GPR4: variants seen among roughly 807,000 people sequenced by gnomAD.
GPR4 encodes the protein G-prodeshotein coupled receptor 4.
GPR4 carries 11 observed loss-of-function variants against 17.8 expected under a neutral mutation model. The ratio of observed to expected loss-of-function variants is 0.62; its 90% confidence interval spans 0.39 to 1.02. The LOEUF is 1.02. Ranked by LOEUF, GPR4 falls within the 50% of genes least tolerant of loss-of-function variation. The pLI, the probability that GPR4 is intolerant of heterozygous loss-of-function variation, is 0.00. For missense variants in GPR4, 364 were observed against 495.4 expected (o/e 0.73, Z 2.52); for synonymous variants, 219 against 222.8 (o/e 0.98, Z 0.15).
At chr19:45,594,055 AAAAAAAAAATATATATATATATATATAT>A (rs1274570254) in intron 1 of GPR4, among the ~76,000 whole-genome samples, 1 of 35,468 alleles carries the variant, frequency 2.8e-5, no homozygotes, top group African/African-American at 2.6e-4. Flanking sequence ...TTAAAAAAAA[AAAAAAAAAATATATATATATATATATAT>A]ATATATATAT....
chr19:45,590,653 T>TA lies in GPR4; in HGVS notation c.*124dup. The TA allele has an allele frequency of 8.0e-7, 1 of 1,253,498 alleles. No homozygotes were observed. The highest frequency in any genetic ancestry group is 1.1e-6 in the Non-Finnish European group (1 of 917,298). 77.6% of individuals were successfully genotyped at this position (1,253,498 alleles called of 1,614,324 possible). On this transcript the variant is annotated 3_prime_UTR_variant, in exon 2 of 2. Coordinates refer to ENST00000323040, the MANE Select transcript of GPR4 (RefSeq NM_005282.3). ...AGTGACACACCAACCTCACTCTTCC[T>TA]AAGTTCTTGTATTCTTATGAATATT...
intron 1 of GPR4, among the ~76,000 whole-genome samples, chr19:45,599,412 C>G (rs1211143611): frequency 6.6e-6 from 1 of 151,590 alleles, no homozygotes; most frequent in Non-Finnish European, 1.5e-5. Context: ...CCTCTGTGGG[C>G]TCCTGCTCCC....
At position 45,592,113 on chromosome 19, in the gene GPR4, A is replaced by G; in HGVS notation, c.-247T>C. 1 of 461,436 alleles carries G rather than the reference A, an allele frequency of 2.2e-6. No homozygotes were observed. The highest frequency in any genetic ancestry group is 4.0e-6 in the Non-Finnish European group (1 of 251,380). The allele number at this position is 461,436 out of a possible 1,614,324, so 28.6% of individuals were successfully genotyped here. A position where few individuals can be genotyped will look rare whatever the true frequency, so the allele number is the denominator to read the frequency against. On this transcript the variant is annotated 5_prime_UTR_variant, in exon 2 of 2. Coordinates refer to ENST00000323040, the MANE Select transcript of GPR4 (RefSeq NM_005282.3). Reference sequence around the variant, plus strand: ...GGAGGGAAGTCTGGAGGATGGTGAGATTAATAAAGAGGTTTTTCAAGGAGG... The same window carrying G: ...GGAGGGAAGTCTGGAGGATGGTGAGGTTAATAAAGAGGTTTTTCAAGGAGG...
Position 45,591,816 on chromosome 19 carries a change from G to A in GPR4, c.51C>T (p.His17=), listed in dbSNP as rs1969999971. 1 of 1,603,470 alleles carries A rather than the reference G, an allele frequency of 6.2e-7. No individual in the cohort carries two copies. Among genetic ancestry groups the A allele is most frequent in the Non-Finnish European group, 8.5e-7 (1 of 1,173,194 alleles). Residue 17 remains histidine, a synonymous_variant, in exon 2 of 2, where the codon CAC becomes CAT. Transcript: ENST00000323040. This position sits in a 1 kb window ranked among gnomAD's most constrained non-coding sequence, Gnocchi z 7.6. ...AGATGTAGAGGGATGGCGGAAAGAGGTGGTCCACGCGCGAGTCCACGTGGC... is the reference window on the plus strand; with the variant it reads ...AGATGTAGAGGGATGGCGGAAAGAGATGGTCCACGCGCGAGTCCACGTGGC... ...EGCHVDSRVD[H]LFPPSLYIFV...
In GPR4 at chr19:45,591,398, C is replaced by T. The variant is rs1390698843; in HGVS notation, c.469G>A (p.Glu157Lys). ...GANSAPLFHD[E>K]LFRDRYNHTF... ...TGGTTGTAGCGGTCTCGGAAGAGCTCGTCATGGAACAGGGGCGCCGAGTTG... is the reference window on the plus strand; with the variant it reads ...TGGTTGTAGCGGTCTCGGAAGAGCTTGTCATGGAACAGGGGCGCCGAGTTG... Residue 157 changes from glutamate (E) to lysine (K), a missense_variant, in exon 2 of 2, where the codon GAG (glutamate) becomes AAG (lysine). By Grantham distance (56) the Glu-to-Lys change is moderately conservative (BLOSUM62 1). Coordinates refer to ENST00000323040, the MANE Select transcript of GPR4 (RefSeq NM_005282.3). The surrounding 1 kb of genome is among the most constrained non-coding windows in gnomAD (Gnocchi z 7.6). The T allele has an allele frequency of 5.0e-6, 8 of 1,613,212 alleles. No individual in the cohort carries two copies. The highest frequency in any genetic ancestry group is 1.1e-5 in the South Asian group (1 of 91,036).
At chr19:45,599,090 G>A (rs934463691) in intron 1 of GPR4, among the ~76,000 whole-genome samples, 3 of 152,116 alleles carry the variant, frequency 2.0e-5, no homozygotes, top group African/African-American at 4.8e-5. Context: ...CCCCCTGTCT[G>A]TCCCACAGGC....
Position 45,590,621 on chromosome 19 carries a change from G to T in GPR4, c.*157C>A. ...TGTGATGGGATCTGGGAGCACAAAGGTTGACCAGTGACACACCAACCTCAC... is the reference window on the plus strand; with the variant it reads ...TGTGATGGGATCTGGGAGCACAAAGTTTGACCAGTGACACACCAACCTCAC... On this transcript the variant is annotated 3_prime_UTR_variant, in exon 2 of 2. Transcript: ENST00000323040. 1.1e-6 allele frequency: 1 copy of T among 911,918 alleles called. No homozygotes were observed. Among genetic ancestry groups the T allele is most frequent in the South Asian group, 2.0e-5 (1 of 49,884 alleles). 56.5% of individuals were successfully genotyped at this position (911,918 alleles called of 1,614,324 possible).
intron 1 of GPR4, among the ~76,000 whole-genome samples, chr19:45,593,819 T>C (rs990494239): frequency 6.6e-6 from 1 of 151,864 alleles, no homozygotes; most frequent in Non-Finnish European, 1.5e-5. Flanking sequence ...ACAGCAAACG[T>C]TAATTGAGCC....
intron 1 of GPR4, among the ~76,000 whole-genome samples, chr19:45,598,111 C>T (rs535973942): frequency 1.3e-5 from 2 of 152,238 alleles, no homozygotes; most frequent in African/African-American, 4.8e-5. Context: ...CCCCTAGTCT[C>T]TCCCTTCCTC....
At chr19:45,597,483 G>T (rs1367570095) in intron 1 of GPR4, among the ~76,000 whole-genome samples, 2 of 152,044 alleles carry the variant, frequency 1.3e-5, no homozygotes, top group Non-Finnish European at 2.9e-5. Context: ...TGTTTTGTTT[G>T]TGTCTGTCTG....
chr19:45,591,866 TGGTG>T lies in GPR4; in HGVS notation c.-4_-1del, dbSNP rs1284498932. ...CAGCCCTCCCACGTGTGGTTGCCCA[TGGTG>T]GGCACTTCGGCTTCTGGGGCGCTTC... On this transcript the variant is annotated 5_prime_UTR_variant, in exon 2 of 2. Transcript: ENST00000323040. The surrounding 1 kb of genome is among the most constrained non-coding windows in gnomAD (Gnocchi z 7.6). The T allele has an allele frequency of 6.5e-7, 1 of 1,549,114 alleles. No individual in the cohort carries two copies. Among genetic ancestry groups the T allele is most frequent in the Admixed American group, 1.9e-5 (1 of 52,740 alleles).
chr19:45,592,995 C>G (rs1465406741), intron 1 of GPR4, among the ~76,000 whole-genome samples: 1 of 151,532 alleles, frequency 6.6e-6, no homozygotes, highest in African/African-American at 2.4e-5. Flanking sequence ...AGTTCAAGAC[C>G]AGCCTGGGCA....
chr19:45,597,735 A>T (rs1232606266), intron 1 of GPR4, among the ~76,000 whole-genome samples: 1 of 152,028 alleles, frequency 6.6e-6, no homozygotes, highest in Admixed American at 6.5e-5. Flanking sequence ...CCAGGCTCAA[A>T]CAAGGGCATG....
chr19:45,600,477 C>T (rs1237316662), intron 1 of GPR4, among the ~76,000 whole-genome samples: 1 of 152,122 alleles, frequency 6.6e-6, no homozygotes, highest in Non-Finnish European at 1.5e-5. Flanking sequence ...AATATTTTCT[C>T]TCCTCTGCTT....
intron 1 of GPR4, among the ~76,000 whole-genome samples, chr19:45,594,063 A>ATATATATATATATT (rs1555738313): frequency 1.4e-4 from 5 of 36,242 alleles, no homozygotes; most frequent in African/African-American, 7.7e-4. Flanking sequence ...AAAAAAAAAA[A>ATATATATATATATT]ATATATATAT....
intron 1 of GPR4, among the ~76,000 whole-genome samples, chr19:45,596,900 G>A (rs955203965): frequency 7.9e-5 from 12 of 151,988 alleles, no homozygotes; most frequent in African/African-American, 1.2e-4. Flanking sequence ...ATGGACTTGC[G>A]GTAAAATCCA....
intron 1 of GPR4, among the ~76,000 whole-genome samples, chr19:45,597,017 CCTT>C (rs1291310301): frequency 6.6e-6 from 1 of 152,192 alleles, no homozygotes; most frequent in Non-Finnish European, 1.5e-5. Context: ...CAGTGAGTGA[CCTT>C]CTTTCCAGCC....
chr19:45,590,476 G>T lies in GPR4; in HGVS notation c.*302C>A, dbSNP rs925196492. The T allele has an allele frequency of 1.3e-5, 4 of 306,060 alleles. No homozygotes were observed. Among genetic ancestry groups the T allele is most frequent in the Non-Finnish European group, 2.4e-5 (4 of 166,246 alleles). 19.0% of individuals were successfully genotyped at this position (306,060 alleles called of 1,614,324 possible). The stretch of plus-strand genomic sequence containing the variant: ...TCGCTGGAGAGCCCAGGAGGTGGAG[G>T]CTGCAGTGAGCCACGACTGCACTAC... On this transcript the variant is annotated 3_prime_UTR_variant, in exon 2 of 2. Transcript: ENST00000323040.
In GPR4 at chr19:45,591,528, C is replaced by T. The variant is rs1224465792; in HGVS notation, c.339G>A (p.Val113=). 1.7e-5 allele frequency: 27 copies of T among 1,613,648 alleles called. No homozygotes were observed. Among genetic ancestry groups the T allele is most frequent in the Non-Finnish European group, 2.3e-5 (27 of 1,179,962 alleles). Reference sequence around the variant, plus strand: ...GGTGGGCCACAGCCAGGTAGCGGTCCACCGAGATGCAGCACAGGAAGGCGA... The same window carrying T: ...GGTGGGCCACAGCCAGGTAGCGGTCTACCGAGATGCAGCACAGGAAGGCGA... ...ISIAFLCCIS[V]DRYLAVAHPL... is the part of the protein sequence containing the mutation. Residue 113 remains valine, a synonymous_variant, in exon 2 of 2, where the codon GTG becomes GTA. Transcript: ENST00000323040. The surrounding 1 kb of genome is among the most constrained non-coding windows in gnomAD (Gnocchi z 7.6).
Sources: gnomAD v4.1 joint callset for allele counts (sites outside exome capture counted in the v4.1 genomes callset) on GRCh38, gnomAD v4.1.1 for gene constraint, Gnocchi (gnomAD v3.1) non-coding constraint, MANE v1.5 for transcripts, NCBI Gene and HGNC (gene_info 2026-07-23, HGNC 2026-07-21) for gene names.